The following PDE1A variants were observed in gnomAD, a reference collection of about 807,000 sequenced individuals.
PDE1A encodes the protein dual specificity calcium/calmodulin-dependent 3',5'-cyclic nucleotide phosphodiesterase 1A.
In PDE1A, 35 loss-of-function variants were observed where a neutral mutation model predicts 61.7. That is an observed-to-expected ratio of 0.57 (90% confidence interval 0.43 to 0.75). PDE1A has a LOEUF of 0.75. PDE1A is among the 30% of genes least tolerant of loss of function. The probability of loss-of-function intolerance (pLI) is 0.00; values close to 1 mark genes in which losing one functional copy is unlikely to be tolerated. For missense variants in PDE1A, 597 were observed against 630.6 expected (o/e 0.95, Z 0.57); for synonymous variants, 232 against 213.2 (o/e 1.09, Z -0.77).
intron 2 of PDE1A, among the ~76,000 whole-genome samples, chr2:182,490,796 A>G (rs1378736062): frequency 1.3e-5 from 2 of 152,244 alleles, no homozygotes; most frequent in Non-Finnish European, 2.9e-5. Flanking sequence ...ATGTCCTTGA[A>G]TGACAATATA....
the PDE1A span, among the ~76,000 whole-genome samples, chr2:182,682,992 T>C: frequency 1.3e-5 from 2 of 152,126 alleles, no homozygotes; most frequent in South Asian, 2.1e-4. Context: ...TAACATAAAA[T>C]TGTGCATAAG....
intron 2 of PDE1A, chr2:182,241,881 T>A: frequency 6.5e-7 from 1 of 1,545,810 alleles, no homozygotes; most frequent in South Asian, 1.2e-5. Flanking sequence ...ACTAGAAAAT[T>A]AAAGCAAAAT....
chr2:182,344,707 C>A (rs1370817454), intron 1 of PDE1A, among the ~76,000 whole-genome samples: 1 of 149,502 alleles, frequency 6.7e-6, no homozygotes, highest in Non-Finnish European at 1.5e-5. Context: ...GCTTGTTTTT[C>A]TTCTTTCTTT....
the PDE1A span, among the ~76,000 whole-genome samples, chr2:182,679,948 C>T: frequency 6.6e-6 from 1 of 152,128 alleles, no homozygotes; most frequent in African/African-American, 2.4e-5. Context: ...GATATTACAA[C>T]ATTATCAAGC....
chr2:182,406,951 T>C (rs1174389287), intron 1 of PDE1A, among the ~76,000 whole-genome samples: 1 of 152,188 alleles, frequency 6.6e-6, no homozygotes, highest in Non-Finnish European at 1.5e-5. Context: ...TATTTTTCAA[T>C]GATGTTGTCT....
intron 10 of PDE1A, among the ~76,000 whole-genome samples, chr2:182,196,841 C>T (rs1307101789): frequency 6.6e-6 from 1 of 151,684 alleles, no homozygotes; most frequent in Non-Finnish European, 1.5e-5. Flanking sequence ...AATATTTGGA[C>T]TGTTTCTAGC....
chr2:182,352,641 G>A (rs1200759540), intron 1 of PDE1A, among the ~76,000 whole-genome samples: 1 of 150,458 alleles, frequency 6.6e-6, no homozygotes, highest in African/African-American at 2.4e-5. Flanking sequence ...GGAAAGTGAT[G>A]CTCACTCTGT....
the PDE1A span, among the ~76,000 whole-genome samples, chr2:182,609,695 G>A: frequency 2.6e-5 from 4 of 152,236 alleles, no homozygotes; most frequent in Non-Finnish European, 4.4e-5. Context: ...CTCACCGCGA[G>A]GGTTCGCGGC....
chr2:182,561,406 T>A, the PDE1A span, among the ~76,000 whole-genome samples: 1 of 152,108 alleles, frequency 6.6e-6, no homozygotes, highest in Non-Finnish European at 1.5e-5. Context: ...TTCTGTTCCA[T>A]TGATCTATAT....
chr2:182,473,450 C>A (rs1278854142), intron 2 of PDE1A, among the ~76,000 whole-genome samples: 1 of 151,878 alleles, frequency 6.6e-6, no homozygotes, highest in Non-Finnish European at 1.5e-5. Context: ...CAAACAACCC[C>A]ATCAAAAAGT....
At chr2:182,400,524 C>A (rs1701944076) in intron 1 of PDE1A, among the ~76,000 whole-genome samples, 3 of 152,150 alleles carry the variant, frequency 2.0e-5, no homozygotes, top group Admixed American at 2.0e-4. Flanking sequence ...CCAAAGGAGA[C>A]TCTCAACATC....
chr2:182,141,898 C>A (rs1277609791), exon 15 of PDE1A: 1 of 152,128 alleles, frequency 6.6e-6, no homozygotes, highest in African/African-American at 2.4e-5. Flanking sequence ...TGAAAAGTTA[C>A]AACATCTAAT....
intron 1 of PDE1A, among the ~76,000 whole-genome samples, chr2:182,303,714 A>G (rs532861166): frequency 6.6e-6 from 1 of 152,320 alleles, no homozygotes; most frequent in Admixed American, 6.5e-5. Flanking sequence ...TTTAGCAATG[A>G]AAGTACTAGA....
intron 2 of PDE1A, among the ~76,000 whole-genome samples, chr2:182,446,085 T>C (rs1169610171): frequency 6.6e-6 from 1 of 152,114 alleles, no homozygotes; most frequent in Non-Finnish European, 1.5e-5. Flanking sequence ...AGGGATGGCA[T>C]TGTGTTTTCA....
chr2:182,228,080 T>A (rs1351940739), intron 6 of PDE1A, among the ~76,000 whole-genome samples: 1 of 152,150 alleles, frequency 6.6e-6, no homozygotes, highest in Non-Finnish European at 1.5e-5. Flanking sequence ...TGAAGGTGAC[T>A]TGACAGCACT....
intron 1 of PDE1A, among the ~76,000 whole-genome samples, chr2:182,414,682 A>C (rs1702813300): frequency 6.6e-6 from 1 of 152,184 alleles, no homozygotes; most frequent in Admixed American, 6.5e-5. Flanking sequence ...TGAAGAAAAA[A>C]AAAGATTCAA....
At chr2:182,623,462 T>TG in the PDE1A span, among the ~76,000 whole-genome samples, 1 of 152,198 alleles carries the variant, frequency 6.6e-6, no homozygotes, top group Non-Finnish European at 1.5e-5. Context: ...GGTCATGGCC[T>TG]GGGACGCAGG....
At chr2:182,554,313 G>A in the PDE1A span, among the ~76,000 whole-genome samples, 1 of 151,970 alleles carries the variant, frequency 6.6e-6, no homozygotes, top group Admixed American at 6.5e-5. Flanking sequence ...CTCCAGTCAC[G>A]ATTCCCCTTC....
At chr2:182,638,141 C>T in the PDE1A span, among the ~76,000 whole-genome samples, 60 of 152,058 alleles carry the variant, frequency 3.9e-4, no homozygotes, top group Non-Finnish European at 4.9e-4. Context: ...TGATAATTAT[C>T]CTTTGGGAGT....
Sources: allele counts gnomAD v4.1 joint callset (sites outside exome capture counted in the v4.1 genomes callset), GRCh38; gene constraint gnomAD v4.1.1; transcripts MANE v1.5; gene names NCBI Gene and HGNC (gene_info 2026-07-23, HGNC 2026-07-21).